C12orf56: variants seen among roughly 807,000 people sequenced by gnomAD.
C12orf56 encodes uncharacterized protein C12orf56.
Under a neutral mutation model 69.9 loss-of-function variants are expected in C12orf56, and 71 were observed. The observed-to-expected ratio is 1.02, with a 90% CI of 0.84 to 1.24. C12orf56 has a LOEUF of 1.24. Ranked by LOEUF, C12orf56 falls within the 50% of genes most tolerant of loss-of-function variation. The pLI, the probability that C12orf56 is intolerant of heterozygous loss-of-function variation, is 0.00. For synonymous variants in C12orf56, 276 were observed against 274.1 expected (o/e 1.01, Z -0.07); for missense variants, 732 against 738.5 (o/e 0.99, Z 0.10).
intron 4 of C12orf56, among the ~76,000 whole-genome samples, chr12:64,316,079 T>A (rs1031771145): frequency 1.3e-5 from 2 of 152,076 alleles, no homozygotes; most frequent in African/African-American, 2.4e-5. Flanking sequence ...TTGTAATTTT[T>A]AAAACTTATT....
intron 11 of C12orf56, among the ~76,000 whole-genome samples, 160 bp downstream of exon 11, chr12:64,274,741 C>T (rs944362989): frequency 6.6e-6 from 1 of 152,122 alleles, no homozygotes; most frequent in African/African-American, 2.4e-5. Context: ...AATGTAAAAA[C>T]GATTTATCAA....
At chr12:64,303,220 G>A (rs1359082826) in intron 6 of C12orf56, among the ~76,000 whole-genome samples, 1 of 151,770 alleles carries the variant, frequency 6.6e-6, no homozygotes, top group African/African-American at 2.4e-5. Flanking sequence ...GTTGCAGTGA[G>A]CTGAGATCGT....
rs11275269 is a variant in C12orf56 at position 64,358,482 on chromosome 12, A to AATAATAATC, written c.253-5427_253-5426insGATTATTAT. Among the ~76,000 whole-genome samples, 472 of 125,922 alleles carry AATAATAATC rather than the reference A, an allele frequency of 3.7e-3. 3 individuals carry two copies. Among genetic ancestry groups the AATAATAATC allele is most frequent in the African/African-American group, 0.013 (444 of 33,228 alleles). The allele number at this position is 125,922 out of a possible 152,430, so 82.6% of individuals were successfully genotyped here. On this transcript the variant is annotated intron_variant, in intron 1 of 12. Transcript: ENST00000543942. ...CAAAAGTAATAATAATAATAATAATAATCATCATCATCATCATCATCATCA... is the reference window on the plus strand; with the variant it reads ...CAAAAGTAATAATAATAATAATAATAATAATAATCATCATCATCATCATCATCATCATCA...
chr12:64,314,439 C>T (rs4763156), intron 4 of C12orf56, among the ~76,000 whole-genome samples: 150,092 of 152,284 alleles, frequency 0.99, 74,002 homozygotes, highest in Middle Eastern at 1. Flanking sequence ...AGCATAGATA[C>T]ACAACACTTT....
At chr12:64,297,102 G>C (rs543387962) in intron 6 of C12orf56, among the ~76,000 whole-genome samples, 1 of 152,216 alleles carries the variant, frequency 6.6e-6, no homozygotes, top group Admixed American at 6.5e-5. Flanking sequence ...GTTTCTAAGG[G>C]AGCTTCACAG....
At position 64,337,867 on chromosome 12, in the gene C12orf56, A is replaced by AC. The variant is rs1219645225; in HGVS notation, c.416-6836_416-6835insG. On this transcript the variant is annotated intron_variant, in intron 2 of 12. Transcript: ENST00000543942. ...GCAAAATTCTGTCAAAAAAAAAAAA[A>AC]AAAAAAACACCAGGACATAAATTTC... 3.3e-3 allele frequency among the ~76,000 whole-genome samples: 500 copies of AC among 150,218 alleles called. 2 individuals are homozygous for AC. The highest frequency in any genetic ancestry group is 6.1e-3 in the Admixed American group (91 of 14,920).
At chr12:64,336,793 G>T (rs6581545) in intron 2 of C12orf56, among the ~76,000 whole-genome samples, 20,621 of 152,172 alleles carry the variant, frequency 0.14, 1,438 homozygotes, top group East Asian at 0.19. Context: ...CAAGCTGGAT[G>T]CCAGAAGTAG....
chr12:64,308,885 A>AAAGG (rs1275929573), intron 5 of C12orf56, among the ~76,000 whole-genome samples: 14 of 125,644 alleles, frequency 1.1e-4, no homozygotes, highest in South Asian at 5.3e-4. Context: ...AAAGAAACAG[A>AAAGG]AAGGAAGAAA....
rs1565781197 is a variant in C12orf56, at chr12:64,375,661, A to G, written c.252+14653T>C. On this transcript the variant is annotated intron_variant, in intron 1 of 12. Coordinates refer to ENST00000543942, the MANE Select transcript of C12orf56 (RefSeq NM_001170633.2). ...CTGATCCTCTTACAACTACACAAAA[A>G]GTTTTGGAAGAACTCAACATCAACC... 2.0e-5 allele frequency among the ~76,000 whole-genome samples: 3 copies of G among 152,310 alleles called. No homozygotes were observed. In the South Asian group the frequency reaches 6.2e-4, roughly 32 times the overall value.
intron 2 of C12orf56, among the ~76,000 whole-genome samples, chr12:64,334,516 T>G (rs2038968656): frequency 6.6e-6 from 1 of 152,184 alleles, no homozygotes; most frequent in South Asian, 2.1e-4. Flanking sequence ...TCTAGATTAT[T>G]TATAATACTA....
At chr12:64,355,336 A>G (rs2039295736) in intron 1 of C12orf56, among the ~76,000 whole-genome samples, 2 of 152,202 alleles carry the variant, frequency 1.3e-5, no homozygotes. Context: ...ATTTTCAAAT[A>G]GGTAGAGTAA....
chr12:64,377,169 G>A (rs1323691653), intron 1 of C12orf56, among the ~76,000 whole-genome samples: 1 of 148,712 alleles, frequency 6.7e-6, no homozygotes, highest in Non-Finnish European at 1.5e-5. Context: ...CTTTTGAGAA[G>A]TATCTGTTCA....
intron 1 of C12orf56, among the ~76,000 whole-genome samples, chr12:64,384,022 G>T (rs1052937511): frequency 6.6e-6 from 1 of 152,224 alleles, no homozygotes; most frequent in Non-Finnish European, 1.5e-5. Flanking sequence ...AGCATTGATT[G>T]CTTGTTCTGA....
chr12:64,284,499 A>G lies in C12orf56; in HGVS notation c.1310+165T>C, dbSNP rs185130823. ...GACAGAGAGAACTCGGCCTGTGCCA[A>G]TTAACCTGTTCATCATGGAAGGAAG... On this transcript the variant is annotated intron_variant, in intron 8 of 12. Transcript: ENST00000543942. Among the ~76,000 whole-genome samples the G allele has an allele frequency of 1.1e-4, 17 of 152,382 alleles. No individual in the cohort carries two copies. The East Asian group carries it at 3.1e-3, about 28-fold the overall frequency.
chr12:64,329,574 G>A (rs1448318837), intron 3 of C12orf56, among the ~76,000 whole-genome samples: 1 of 149,880 alleles, frequency 6.7e-6, no homozygotes, highest in Non-Finnish European at 1.5e-5. Context: ...TGTGCACATT[G>A]TGCAGGTTAG....
intron 2 of C12orf56, chr12:64,338,197 T>G: frequency 1.7e-6 from 1 of 583,284 alleles, no homozygotes. Context: ...CCTGTTGGCA[T>G]TTGCCCTGAA....
rs771908079 is a variant in C12orf56 at position 64,390,354 on chromosome 12, C to A, written c.212G>T (p.Arg71Leu). 4 of 1,612,446 alleles carry A rather than the reference C, an allele frequency of 2.5e-6. No individual in the cohort carries two copies. Among genetic ancestry groups the A allele is most frequent in the Non-Finnish European group, 3.4e-6 (4 of 1,179,598 alleles). Residue 71 changes from arginine (R) to leucine (L), a missense_variant, in exon 1 of 13, where the codon CGG (arginine) becomes CTG (leucine). Physicochemically the swap from Arg to Leu is moderately radical, Grantham distance 102 (BLOSUM62 -2). Coordinates refer to ENST00000543942, the MANE Select transcript of C12orf56 (RefSeq NM_001170633.2). ...GACGTCCCGCAGAGCCACTACCCGC[C>A]GGATGGACTTGGGCGGGTTCTCGGT... ...YLTENPPKSI[R>L]RVVALRDVVA... is the part of the protein sequence containing the mutation.
intron 3 of C12orf56, among the ~76,000 whole-genome samples, chr12:64,322,601 T>C (rs1295567105): frequency 1.3e-5 from 2 of 152,096 alleles, no homozygotes; most frequent in African/African-American, 4.8e-5. Flanking sequence ...AAGGATCACT[T>C]GAGGCCCAGG....
Position 64,386,384 on chromosome 12 carries a change from T to TATATATA in C12orf56, c.252+3929_252+3930insTATATAT, listed in dbSNP as rs2039789463. ...GTGTGCTACCACTGCTGGCTAATTT[T>TATATATA]TATATATATATATATTTTTTTTTTT... is the stretch of plus-strand genomic sequence containing the variant. On this transcript the variant is annotated intron_variant, in intron 1 of 12. Transcript: ENST00000543942. Among the ~76,000 whole-genome samples the TATATATA allele has an allele frequency of 6.7e-5, 7 of 104,120 alleles. No individual in the cohort carries two copies. In the East Asian group the frequency reaches 1.7e-3, roughly 26 times the overall value. 68.3% of individuals were successfully genotyped at this position (104,120 alleles called of 152,430 possible).
Sources: gnomAD v4.1 joint callset for allele counts (sites outside exome capture counted in the v4.1 genomes callset) on GRCh38, gnomAD v4.1.1 for gene constraint, MANE v1.5 for transcripts, NCBI Gene and HGNC (gene_info 2026-07-23, HGNC 2026-07-21) for gene names.